PPM1H: variants seen among roughly 807,000 people sequenced by gnomAD.
PPM1H encodes protein phosphatase 1H.
PPM1H carries 27 observed loss-of-function variants against 54.9 expected under a neutral mutation model. The ratio of observed to expected loss-of-function variants is 0.49; its 90% CI spans 0.36 to 0.68. The LOEUF is 0.68. Ranked by LOEUF, PPM1H falls within the 30% of genes least tolerant of loss-of-function variation. The probability of loss-of-function intolerance (pLI) is 0.00; values close to 1 mark genes in which losing one functional copy is unlikely to be tolerated. For missense variants in PPM1H, 596 were observed against 667.8 expected (o/e 0.89, Z 1.19); for synonymous variants, 305 against 270.8 (o/e 1.13, Z -1.24).
At chr12:62,912,976 C>T (rs2121143142) in intron 1 of PPM1H, among the ~76,000 whole-genome samples, 1 of 152,276 alleles carries the variant, frequency 6.6e-6, no homozygotes, top group East Asian at 1.9e-4. Flanking sequence ...TTTATACTCA[C>T]ATTTTGAACA....
chr12:62,790,216 A>T (rs1384891154), intron 3 of PPM1H, among the ~76,000 whole-genome samples: 1 of 152,228 alleles, frequency 6.6e-6, no homozygotes, highest in Non-Finnish European at 1.5e-5. Flanking sequence ...GTAACATAAA[A>T]AGGGTAAATC....
rs746381032 is a variant in PPM1H, at chr12:62,839,874, C to CAAAAAAAAAAAAAAAAAAAA, written c.246-7596_246-7595insTTTTTTTTTTTTTTTTTTTT. 4.0e-3 allele frequency among the ~76,000 whole-genome samples: 336 copies of CAAAAAAAAAAAAAAAAAAAA among 84,146 alleles called. 9 individuals are homozygous for CAAAAAAAAAAAAAAAAAAAA. The highest frequency in any genetic ancestry group is 0.016 in the African/African-American group (327 of 20,288). 55.2% of individuals were successfully genotyped at this position (84,146 alleles called of 152,430 possible). Reference sequence around the variant, plus strand: ...TCAACATGGTGTGATCCTGTTTCTACAAAAAAAAAAAAAAAACACCCAGTG... The same window carrying CAAAAAAAAAAAAAAAAAAAA: ...TCAACATGGTGTGATCCTGTTTCTACAAAAAAAAAAAAAAAAAAAAAAAAAAAAAAAAAAAACACCCAGTG... On this transcript the variant is annotated intron_variant, in intron 1 of 9. Transcript: ENST00000228705.
At chr12:62,925,948 T>A (rs1452444815) in intron 1 of PPM1H, among the ~76,000 whole-genome samples, 1 of 152,244 alleles carries the variant, frequency 6.6e-6, no homozygotes, top group African/African-American at 2.4e-5. Flanking sequence ...ATTTGTTGAC[T>A]GAGTTATCTA....
At chr12:62,736,866 C>T (rs981468591) in intron 5 of PPM1H, among the ~76,000 whole-genome samples, 1 of 152,234 alleles carries the variant, frequency 6.6e-6, no homozygotes, top group African/African-American at 2.4e-5. Flanking sequence ...AAGCCTAATA[C>T]CCTTGCCCCT....
chr12:62,741,530 C>T lies in PPM1H; in HGVS notation c.870-3944G>A, dbSNP rs142654279. Reference sequence around the variant, plus strand: ...TCTTGCTTTAGCCTCACTCTTGCTACTCCCTTCACATGGCTTCTTCCTTCT... The same window carrying T: ...TCTTGCTTTAGCCTCACTCTTGCTATTCCCTTCACATGGCTTCTTCCTTCT... On this transcript the variant is annotated intron_variant, in intron 4 of 9. Coordinates refer to ENST00000228705, the MANE Select transcript of PPM1H (RefSeq NM_020700.2). Among the ~76,000 whole-genome samples, 30 of 152,336 alleles carry T rather than the reference C, an allele frequency of 2.0e-4. No individual in the cohort carries two copies. The East Asian group carries it at 5.2e-3, about 26-fold the overall frequency.
At chr12:62,927,879 C>G (rs946655069) in intron 1 of PPM1H, among the ~76,000 whole-genome samples, 6 of 152,046 alleles carry the variant, frequency 3.9e-5, no homozygotes, top group African/African-American at 1.4e-4. Context: ...TCACTCTGTT[C>G]TTCATATCTT....
At chr12:62,923,981 G>T (rs1031426325) in intron 1 of PPM1H, among the ~76,000 whole-genome samples, 2 of 152,174 alleles carry the variant, frequency 1.3e-5, no homozygotes, top group Admixed American at 6.5e-5. Flanking sequence ...TTTTGCTGAG[G>T]TTATATGCCT....
chr12:62,814,270 A>G (rs2076852595), intron 2 of PPM1H, among the ~76,000 whole-genome samples: 1 of 152,030 alleles, frequency 6.6e-6, no homozygotes, highest in South Asian at 2.1e-4. Flanking sequence ...TTTTGTAGAG[A>G]TGAGTTCTCC....
intron 5 of PPM1H, among the ~76,000 whole-genome samples, chr12:62,729,872 A>T (rs1346143855): frequency 6.6e-6 from 1 of 152,218 alleles, no homozygotes; most frequent in African/African-American, 2.4e-5. Context: ...CATTCAGATA[A>T]GCCATCATAT....
intron 2 of PPM1H, among the ~76,000 whole-genome samples, chr12:62,815,185 C>CTTTT (rs1290581611): frequency 7.2e-6 from 1 of 139,834 alleles, no homozygotes; most frequent in African/African-American, 3.1e-5. Flanking sequence ...TTTACCATAC[C>CTTTT]TCTTTTTTTT....
chr12:62,924,208 C>A (rs1274555329), intron 1 of PPM1H, among the ~76,000 whole-genome samples: 1 of 151,896 alleles, frequency 6.6e-6, no homozygotes, highest in Non-Finnish European at 1.5e-5. Context: ...AACTGAGGCC[C>A]AGAGTGGGGG....
At position 62,913,064 on chromosome 12, in the gene PPM1H, A is replaced by G. The variant is rs574771683; in HGVS notation, c.245+21428T>C. 5.9e-5 allele frequency among the ~76,000 whole-genome samples: 9 copies of G among 152,352 alleles called. No individual in the cohort carries two copies. In the South Asian group the frequency reaches 1.4e-3, roughly 25 times the overall value. The stretch of plus-strand genomic sequence containing the variant: ...GAAAGATCACAGCAGAAGGGACCCC[A>G]TGGAGAGCTTAAGGGAGAAGCAAGG... On this transcript the variant is annotated intron_variant, in intron 1 of 9. Coordinates refer to ENST00000228705, the MANE Select transcript of PPM1H (RefSeq NM_020700.2).
At chr12:62,922,206 C>G (rs1041755811) in intron 1 of PPM1H, among the ~76,000 whole-genome samples, 1 of 152,244 alleles carries the variant, frequency 6.6e-6, no homozygotes, top group South Asian at 2.1e-4. Flanking sequence ...TAAATGTATC[C>G]TTTTATACAA....
intron 1 of PPM1H, among the ~76,000 whole-genome samples, chr12:62,878,947 G>GA (rs1171743328): frequency 2.4e-4 from 36 of 150,452 alleles, no homozygotes; most frequent in Admixed American, 1.1e-3. Context: ...CTCAAAAAAA[G>GA]AAAAAAAAAG....
At chr12:62,716,465 G>A (rs997819703) in intron 6 of PPM1H, among the ~76,000 whole-genome samples, 31 of 152,162 alleles carry the variant, frequency 2.0e-4, no homozygotes, top group Non-Finnish European at 2.4e-4. Flanking sequence ...AGTGGAAGAT[G>A]AGGAAGAAAA....
chr12:62,791,981 G>A (rs1333419815), intron 3 of PPM1H, among the ~76,000 whole-genome samples: 1 of 152,166 alleles, frequency 6.6e-6, no homozygotes, highest in Admixed American at 6.5e-5. Context: ...ACTAGAATGT[G>A]AATGATGTTT....
At chr12:62,673,923 C>T (rs1443907311) in intron 8 of PPM1H, among the ~76,000 whole-genome samples, 1 of 151,566 alleles carries the variant, frequency 6.6e-6, no homozygotes, top group Admixed American at 6.6e-5. Context: ...CATCATGTTT[C>T]TCAGGCTGAT....
chr12:62,869,153 T>C (rs1869890918), intron 1 of PPM1H, among the ~76,000 whole-genome samples: 1 of 152,232 alleles, frequency 6.6e-6, no homozygotes, highest in Non-Finnish European at 1.5e-5. Flanking sequence ...AACAAGGGTA[T>C]AAAGGTACAT....
chr12:62,659,320 G>T, intron 9 of PPM1H: 1 of 459,990 alleles, frequency 2.2e-6, no homozygotes, highest in Non-Finnish European at 3.9e-6. Flanking sequence ...TCATATTCTG[G>T]CTCATCCATA....
Sources: gnomAD v4.1 joint callset for allele counts (sites outside exome capture counted in the v4.1 genomes callset) on GRCh38, gnomAD v4.1.1 for gene constraint, MANE v1.5 for transcripts, NCBI Gene and HGNC (gene_info 2026-07-23, HGNC 2026-07-21) for gene names.